Variants in RNFT1 observed in about 807,000 individuals in gnomAD.
RNFT1 encodes ring finger protein, transmembrane 1.
RNFT1 carries 35 observed loss-of-function variants against 53.2 expected under a neutral mutation model. The ratio of observed to expected loss-of-function variants is 0.66; its 90% CI spans 0.50 to 0.87. The LOEUF (loss-of-function observed/expected upper bound fraction) is 0.87. RNFT1 is among the 40% of genes least tolerant of loss of function. RNFT1 has a pLI of 0.00. For synonymous variants in RNFT1, 141 were observed against 172.8 expected, an observed-to-expected ratio of 0.82 and a Z score of 1.44; for missense variants, 421 against 515.0, an observed-to-expected ratio of 0.82 and a Z score of 1.77.
intron 8 of RNFT1, 83 bp downstream of exon 8, chr17:59,953,960 TTG>T: frequency 3.7e-6 from 3 of 805,640 alleles, no homozygotes; most frequent in Admixed American, 3.2e-5. Context: ...TTTTTTTTTT[TTG>T]CCTTACAGCA....
intron 4 of RNFT1, chr17:59,958,683 T>G (rs376936665): frequency 7.2e-6 from 4 of 557,002 alleles, no homozygotes; most frequent in Non-Finnish European, 1.0e-5. Context: ...CGGTTTGTCA[T>G]AGTTGACACC....
chr17:59,960,317 A>G (rs1568545048), intron 3 of RNFT1, 149 bp from the exon 4 acceptor site: 2 of 777,468 alleles, frequency 2.6e-6, no homozygotes, highest in Non-Finnish European at 3.7e-6. Context: ...CATCACAGTT[A>G]CTGTTTTATA....
intron 3 of RNFT1, 118 bp downstream of exon 3, chr17:59,962,422 C>T (rs145297792): frequency 3.9e-5 from 25 of 644,538 alleles, no homozygotes; most frequent in African/African-American, 2.9e-4. Context: ...GTGGATGTTA[C>T]AATATATCCT....
At chr17:59,960,562 G>T (rs940749319) in intron 3 of RNFT1, among the ~76,000 whole-genome samples, 2 of 151,042 alleles carry the variant, frequency 1.3e-5, no homozygotes, top group African/African-American at 4.9e-5. Flanking sequence ...TGTAATCCCA[G>T]CACTTTGGGA....
chr17:59,958,316 G>A lies in RNFT1; in HGVS notation c.821C>T (p.Ser274Phe), dbSNP rs1021394659. 5 of 1,594,760 alleles carry A rather than the reference G, an allele frequency of 3.1e-6. No homozygotes were observed. In the African/African-American group the frequency reaches 6.8e-5, roughly 22 times the overall value. Residue 274 changes from serine to phenylalanine, a missense_variant, in exon 5 of 9, where the codon TCT becomes TTT. Coordinates refer to ENST00000305783, the MANE Select transcript of RNFT1 (RefSeq NM_016125.4). The stretch of plus-strand genomic sequence containing the variant: ...CTTAGATTTAAAAGGCATGATGAAA[G>A]AAGGCACCAATAAAATAAGGCATTT... ...GLKCLILLVP[S>F]FIMPFKSKGY...
chr17:59,959,923 A>G (rs2045277656), intron 4 of RNFT1, 145 bp downstream of exon 4: 1 of 815,506 alleles, frequency 1.2e-6, no homozygotes, highest in Non-Finnish European at 1.7e-6. Context: ...AAGAAAAAAA[A>G]AAAAAAAGCT....
At chr17:59,958,188 C>A in intron 5 of RNFT1, 103 bp downstream of exon 5, 1 of 1,212,076 alleles carries the variant, frequency 8.3e-7, no homozygotes, top group Non-Finnish European at 1.1e-6. Context: ...AGCTAGTTAG[C>A]AAACTGAAAA....
At chr17:59,962,764 A>T (rs2045303963) in intron 2 of RNFT1, 63 bp downstream of exon 2, 1 of 1,465,562 alleles carries the variant, frequency 6.8e-7, no homozygotes, top group East Asian at 2.3e-5. Flanking sequence ...TAGATTACCA[A>T]TAATGAAAGA....
intron 6 of RNFT1, 102 bp downstream of exon 6, chr17:59,957,122 T>A: frequency 8.8e-7 from 1 of 1,142,352 alleles, no homozygotes; most frequent in Non-Finnish European, 1.2e-6. Context: ...AAACTAGTGA[T>A]ATGAAGATAA....
intron 3 of RNFT1, among the ~76,000 whole-genome samples, chr17:59,961,260 A>G (rs1485535903): frequency 6.6e-6 from 1 of 151,916 alleles, no homozygotes; most frequent in Non-Finnish European, 1.5e-5. Flanking sequence ...CTCGTCTTCA[A>G]TTCCTGGGCT....
chr17:59,960,683 C>T (rs2045284990), intron 3 of RNFT1, among the ~76,000 whole-genome samples: 1 of 151,598 alleles, frequency 6.6e-6, no homozygotes, highest in South Asian at 2.1e-4. Context: ...CGCCGTGGCA[C>T]GTGCCTGTAA....
chr17:59,963,028 T>A lies in RNFT1; in HGVS notation c.313A>T (p.Ser105Cys). Residue 105 changes from serine to cysteine, a missense_variant, in exon 2 of 9, where the codon AGC becomes TGC. Ser to Cys is a moderately radical substitution (Grantham distance 112). Transcript: ENST00000305783. ...SSRNIRSGVH[S>C]CAHGCVHSRL... ...CTGTGTACACATCCATGGGCACAGCTATGGACACCTGACCTTATATTTCTG... is the reference window on the plus strand; with the variant it reads ...CTGTGTACACATCCATGGGCACAGCAATGGACACCTGACCTTATATTTCTG... The A allele has an allele frequency of 6.2e-7, 1 of 1,614,256 alleles. No homozygotes were observed. The highest frequency in any genetic ancestry group is 1.6e-4 in the Middle Eastern group (1 of 6,062).
At chr17:59,955,757 G>A (rs2045250664) in intron 7 of RNFT1, among the ~76,000 whole-genome samples, 1 of 152,024 alleles carries the variant, frequency 6.6e-6, no homozygotes. Flanking sequence ...TATTCGGTTG[G>A]CATTCTTTTA....
chr17:59,956,155 G>A (rs1269472806), intron 7 of RNFT1, among the ~76,000 whole-genome samples: 1 of 152,078 alleles, frequency 6.6e-6, no homozygotes, highest in Non-Finnish European at 1.5e-5. Flanking sequence ...CCCATTTGTG[G>A]ATTAAAAAAG....
intron 3 of RNFT1, among the ~76,000 whole-genome samples, chr17:59,961,125 C>A (rs2045288989): frequency 6.6e-6 from 1 of 151,724 alleles, no homozygotes; most frequent in Non-Finnish European, 1.5e-5. Flanking sequence ...CAGCCCCAAC[C>A]ACCTGGGGTC....
In RNFT1 at chr17:59,952,855, T is replaced by C; in HGVS notation, c.*122A>G. ...TTTTGGTGAATTGGATCATAAGTCC[T>C]ACATTCTAAAACCATCTGGAAACAT... On this transcript the variant is annotated 3_prime_UTR_variant, in exon 9 of 9. Coordinates refer to ENST00000305783, the MANE Select transcript of RNFT1 (RefSeq NM_016125.4). 1 of 875,026 alleles carries C rather than the reference T, an allele frequency of 1.1e-6. No homozygotes were observed. The highest frequency in any genetic ancestry group is 1.9e-5 in the South Asian group (1 of 52,840). The allele number at this position is 875,026 out of a possible 1,614,324, so 54.2% of individuals were successfully genotyped here. A position where few individuals can be genotyped will look rare whatever the true frequency, so the allele number is the denominator to read the frequency against.
At position 59,963,268 on chromosome 17, in the gene RNFT1, C is replaced by T. The variant is rs2045309421; in HGVS notation, c.73G>A (p.Ala25Thr). ...SGHERRQRPE[A>T]KTSGSEKKYL... ...TTTTTCTCTGACCCAGATGTCTTTG[C>T]TTCAGGCCTCTGTCTCCTAAAAAAT... is the stretch of plus-strand genomic sequence containing the variant. Residue 25 changes from alanine to threonine, a missense_variant, in exon 2 of 9, where the codon GCA (alanine) becomes ACA (threonine). Ala to Thr is a moderately conservative substitution (Grantham distance 58). Coordinates refer to ENST00000305783, the MANE Select transcript of RNFT1 (RefSeq NM_016125.4). 1 of 1,605,988 alleles carries T rather than the reference C, an allele frequency of 6.2e-7. No individual in the cohort carries two copies. The highest frequency in any genetic ancestry group is 1.7e-5 in the Admixed American group (1 of 59,822).
At chr17:59,956,432 AT>A (rs2045254617) in intron 7 of RNFT1, 55 bp downstream of exon 7, 6 of 1,230,072 alleles carry the variant, frequency 4.9e-6, no homozygotes, top group East Asian at 2.4e-5. Flanking sequence ...AACTAAAAAA[AT>A]TTTTGCAGTG....
In RNFT1 at chr17:59,952,851, G is replaced by C; in HGVS notation, c.*126C>G. ...AATCTTTTGGTGAATTGGATCATAA[G>C]TCCTACATTCTAAAACCATCTGGAA... is the stretch of plus-strand genomic sequence containing the variant. On this transcript the variant is annotated 3_prime_UTR_variant, in exon 9 of 9. Transcript: ENST00000305783. The C allele has an allele frequency of 1.2e-6, 1 of 816,104 alleles. No individual in the cohort carries two copies. The allele number at this position is 816,104 out of a possible 1,614,324, so 50.6% of individuals were successfully genotyped here. A position where few individuals can be genotyped will look rare whatever the true frequency, so the allele number is the denominator to read the frequency against.
Sources: allele counts gnomAD v4.1 joint callset (sites outside exome capture counted in the v4.1 genomes callset), GRCh38; gene constraint gnomAD v4.1.1; transcripts MANE v1.5; gene names NCBI Gene and HGNC (gene_info 2026-07-23, HGNC 2026-07-21).